The following CLEC10A variants were observed in gnomAD, a reference collection of about 807,000 sequenced individuals.
The protein encoded by CLEC10A is C-type lectin domain containing 10A.
Under a neutral mutation model 42.0 loss-of-function variants are expected in CLEC10A, and 38 were observed. That is an observed-to-expected ratio of 0.90 (90% CI 0.70 to 1.18). The LOEUF (loss-of-function observed/expected upper bound fraction) is 1.18. CLEC10A is among the 50% of genes most tolerant of loss of function. The pLI is 0.00. For synonymous variants in CLEC10A, 126 were observed against 139.9 expected (o/e 0.90, Z 0.70); for missense variants, 298 against 345.9 (o/e 0.86, Z 1.10).
rs751307642 is a variant in CLEC10A, at chr17:7,078,730, TC to T, written c.67+15del. On this transcript the variant is annotated intron_variant, in intron 2 of 8. Transcript: ENST00000416562. Reference sequence around the variant, plus strand: ...ATAAAGAGGGCATTTTAGGAGAGTTTCCCCTTTCCTCTTACCATTTTTAAAC... The same window carrying T: ...ATAAAGAGGGCATTTTAGGAGAGTTTCCCTTTCCTCTTACCATTTTTAAAC... 134 of 1,611,512 alleles carry T rather than the reference TC, an allele frequency of 8.3e-5. No individual in the cohort carries two copies. The Admixed American group carries it at 2.2e-3, about 27-fold the overall frequency.
At position 7,078,741 on chromosome 17, in the gene CLEC10A, C is replaced by A; in HGVS notation, c.67+5G>T. 1 of 1,613,610 alleles carries A rather than the reference C, an allele frequency of 6.2e-7. No homozygotes were observed. Among genetic ancestry groups the A allele is most frequent in the Non-Finnish European group, 8.5e-7 (1 of 1,179,486 alleles). ...ATTTTAGGAGAGTTTCCCCTTTCCT[C>A]TTACCATTTTTAAACCCCTGGACTT... On this transcript the variant is annotated splice_donor_5th_base_variant and intron_variant, in intron 2 of 8. Transcript: ENST00000416562.
chr17:7,075,470 C>A lies in CLEC10A; in HGVS notation c.595-4G>T, dbSNP rs140313272. The A allele has an allele frequency of 6.9e-4, 1,062 of 1,531,358 alleles. 6 individuals are homozygous for A. In the African/African-American group the frequency reaches 0.012, roughly 18 times the overall value. The allele number at this position is 1,531,358 out of a possible 1,614,324, so 94.9% of individuals were successfully genotyped here. On this transcript the variant is annotated splice_region_variant and splice_polypyrimidine_tract_variant and intron_variant, in intron 7 of 8. Coordinates refer to ENST00000416562, the MANE Select transcript of CLEC10A (RefSeq NM_001330070.2). The stretch of plus-strand genomic sequence containing the variant: ...CTAGATATTTCTGGACAAAATTCTG[C>A]GGTGACAGAAGGGCAGTGGTGACTT...
intron 3 of CLEC10A, among the ~76,000 whole-genome samples, chr17:7,077,611 C>A (rs1911889886): frequency 1.8e-5 from 2 of 113,474 alleles, no homozygotes; most frequent in African/African-American, 3.4e-5. Context: ...CCCAACCATT[C>A]CCATCAATCA....
intron 3 of CLEC10A, 78 bp from the exon 4 acceptor site, chr17:7,077,065 G>C (rs1275431470): frequency 3.9e-6 from 4 of 1,029,786 alleles, no homozygotes; most frequent in African/African-American, 3.2e-5. Flanking sequence ...CCCTCCATAA[G>C]CATTGCCTTA....
chr17:7,076,264 G>T, intron 5 of CLEC10A, 193 bp from the exon 6 acceptor site: 1 of 891,438 alleles, frequency 1.1e-6, no homozygotes, highest in Non-Finnish European at 1.6e-6. Flanking sequence ...TGTTTCTCCA[G>T]CCTGCTCTCC....
At chr17:7,077,054 G>A in intron 3 of CLEC10A, 67 bp from the exon 4 acceptor site, 1 of 1,140,572 alleles carries the variant, frequency 8.8e-7, no homozygotes. Context: ...ACCGAGCAGG[G>A]CCCTCCATAA....
chr17:7,079,400 T>G (rs1216112403), intron 1 of CLEC10A, among the ~76,000 whole-genome samples: 13 of 151,980 alleles, frequency 8.6e-5, no homozygotes, highest in Non-Finnish European at 1.8e-4. Flanking sequence ...CTGGCCAACA[T>G]GGTGAAACCC....
rs375983103 is a variant in CLEC10A, at chr17:7,078,865, G to A, written c.-53C>T. 461 of 1,577,812 alleles carry A rather than the reference G, an allele frequency of 2.9e-4. 3 individuals are homozygous for A. The African/African-American group carries it at 5.5e-3, about 19-fold the overall frequency. On this transcript the variant is annotated 5_prime_UTR_variant, in exon 2 of 9. Transcript: ENST00000416562. ...TCACAGCTGAAATGGAGGCAGGGCC[G>A]GCGCCCAGTCTGGGGTGGAGCTGGG... is the stretch of plus-strand genomic sequence containing the variant.
At chr17:7,077,713 G>GTGCCCTCTCCTCCA (rs1911909181) in intron 3 of CLEC10A, among the ~76,000 whole-genome samples, 1 of 26,778 alleles carries the variant, frequency 3.7e-5, no homozygotes. Context: ...CCCCCCTACC[G>GTGCCCTCTCCTCCA]TTACCATCAA....
At position 7,078,165 on chromosome 17, in the gene CLEC10A, GAGA is replaced by G. The variant is rs765918066; in HGVS notation, c.68-55_68-53del. 6 of 1,372,802 alleles carry G rather than the reference GAGA, an allele frequency of 4.4e-6. No individual in the cohort carries two copies. The East Asian group carries it at 6.9e-5, about 16-fold the overall frequency. The allele number at this position is 1,372,802 out of a possible 1,614,324, so 85.0% of individuals were successfully genotyped here. A position where few individuals can be genotyped will look rare whatever the true frequency, so the allele number is the denominator to read the frequency against. ...AGGAGGGTCCAGACACCGGAGACGG[GAGA>G]AGGAGAGGGCCCAGGGAGCTGTCTA... On this transcript the variant is annotated intron_variant, in intron 2 of 8. Transcript: ENST00000416562.
intron 3 of CLEC10A, among the ~76,000 whole-genome samples, 179 bp downstream of exon 3, chr17:7,077,818 T>TGGTA (rs1911934638): frequency 7.5e-6 from 1 of 132,474 alleles, no homozygotes; most frequent in Non-Finnish European, 1.6e-5. Context: ...CCATGACTGT[T>TGGTA]GGTAGCACTG....
chr17:7,078,052 C>T lies in CLEC10A; in HGVS notation c.129G>A (p.Leu43=). 6.2e-7 allele frequency: 1 copy of T among 1,614,014 alleles called. No homozygotes were observed. Among genetic ancestry groups the T allele is most frequent in the Non-Finnish European group, 8.5e-7 (1 of 1,179,942 alleles). Residue 43 remains leucine (L), a synonymous_variant, in exon 3 of 9, where the codon CTG becomes CTA. Transcript: ENST00000416562. The stretch of plus-strand genomic sequence containing the variant: ...GCAGCAGGAGGCCGAGGCCCAGGGA[C>T]AGCAGGAGATGGCAGGGCCCAGAGC... ...RLCSGPCHLL[L]SLGLGLLLLV...
Position 7,075,100 on chromosome 17 carries a change from C to A in CLEC10A, c.824G>T (p.Trp275Leu), listed in dbSNP as rs1309651901. The part of the protein sequence containing the change: ...NDDVCQRPYH[W>L]VCEAGLGQTS... ...CTGACCCAGGCCAGCCTCGCAGACCCAGTGGTAGGGCCTCTGGCAGACGTC... is the reference window on the plus strand; with the variant it reads ...CTGACCCAGGCCAGCCTCGCAGACCAAGTGGTAGGGCCTCTGGCAGACGTC... The change falls in exon 9 of 9, where the codon TGG becomes TTG. Residue 275 changes from tryptophan to leucine, a missense_variant. By Grantham distance (61) the Trp-to-Leu change is moderately conservative. Transcript: ENST00000416562. 6.2e-7 allele frequency: 1 copy of A among 1,603,780 alleles called. No homozygotes were observed. The highest frequency in any genetic ancestry group is 1.1e-5 in the South Asian group (1 of 89,668).
chr17:7,077,357 C>CGT (rs1911843245), intron 3 of CLEC10A, among the ~76,000 whole-genome samples: 2 of 122,694 alleles, frequency 1.6e-5, no homozygotes, highest in African/African-American at 3.0e-5. Flanking sequence ...AGTGCTCCGA[C>CGT]CACTGTTCTC....
At chr17:7,078,201 G>A (rs1172162120) in intron 2 of CLEC10A, 88 bp from the exon 3 acceptor site, 2 of 994,892 alleles carry the variant, frequency 2.0e-6, no homozygotes, top group Non-Finnish European at 3.1e-6. Flanking sequence ...CTAGTGAGGA[G>A]GGCTGGGCAC....
At chr17:7,077,569 C>G (rs1286026370) in intron 3 of CLEC10A, among the ~76,000 whole-genome samples, 1 of 105,010 alleles carries the variant, frequency 9.5e-6, no homozygotes, top group Non-Finnish European at 2.0e-5. Flanking sequence ...AGTGCCCCCC[C>G]ACCATTCCCA....
chr17:7,075,018 C>T lies in CLEC10A; in HGVS notation c.*36G>A. ...CGTGAGAAGAGTCCTCCTCCCACCG[C>T]CATTTCTGTGGCCGGGTGGTCCCAC... On this transcript the variant is annotated 3_prime_UTR_variant, in exon 9 of 9. Transcript: ENST00000416562. 6.6e-7 allele frequency: 1 copy of T among 1,507,750 alleles called. No homozygotes were observed. Among genetic ancestry groups the T allele is most frequent in the Non-Finnish European group, 8.8e-7 (1 of 1,132,004 alleles). 93.4% of individuals were successfully genotyped at this position (1,507,750 alleles called of 1,614,324 possible). A position where few individuals can be genotyped will look rare whatever the true frequency, so the allele number is the denominator to read the frequency against.
At position 7,077,148 on chromosome 17, in the gene CLEC10A, CAG is replaced by C. The variant is rs1911809463; in HGVS notation, c.185-163_185-162del. 2.0e-5 allele frequency among the ~76,000 whole-genome samples: 3 copies of C among 152,132 alleles called. No homozygotes were observed. The South Asian group carries it at 6.2e-4, about 32-fold the overall frequency. ...TATTGCCGATGAGGAAACTAAGCCT[CAG>C]AGAGGTGAAGTAATTTGAGTACATA... is the stretch of plus-strand genomic sequence containing the variant. On this transcript the variant is annotated intron_variant, in intron 3 of 8. Coordinates refer to ENST00000416562, the MANE Select transcript of CLEC10A (RefSeq NM_001330070.2).
At position 7,075,766 on chromosome 17, in the gene CLEC10A, C is replaced by T. The variant is rs758811568; in HGVS notation, c.559G>A (p.Ala187Thr). Residue 187 changes from alanine (A) to threonine (T), a missense_variant, in exon 7 of 9, where the codon GCC (alanine) becomes ACC (threonine). Ala to Thr is a moderately conservative substitution (Grantham distance 58). This residue lies in a region of CLEC10A where 267 missense variants were observed against 289.5 expected (regional missense o/e 0.92). Transcript: ENST00000416562. ...EAEKYCQLKN[A>T]HLVVINSREE... is the part of the protein sequence containing the mutation. ...CTGGAGTTGATGACCACCAGGTGGG[C>T]GTTCTTCAGCTGGCAGTACTTCTCA... 14 of 1,614,182 alleles carry T rather than the reference C, an allele frequency of 8.7e-6. No individual in the cohort carries two copies. The East Asian group carries it at 2.0e-4, about 23-fold the overall frequency.
Sources: allele counts gnomAD v4.1 joint callset (sites outside exome capture counted in the v4.1 genomes callset), GRCh38; gene constraint gnomAD v4.1.1; regional missense constraint gnomAD v4.1.1; transcripts MANE v1.5; gene names NCBI Gene and HGNC (gene_info 2026-07-23, HGNC 2026-07-21).